CRYBG1: variants seen among roughly 807,000 people sequenced by gnomAD.
The protein encoded by CRYBG1 is beta/gamma crystallin domain-containing protein 1.
Under a neutral mutation model 189.2 loss-of-function variants are expected in CRYBG1, and 139 were observed. That is an observed-to-expected ratio of 0.73 (90% confidence interval 0.64 to 0.85). The LOEUF (loss-of-function observed/expected upper bound fraction) is 0.85, where lower values mean the gene tolerates loss of function less well. Ranked by LOEUF, CRYBG1 falls within the 40% of genes least tolerant of loss-of-function variation. The pLI, the probability that CRYBG1 is intolerant of heterozygous loss-of-function variation, is 0.00. For synonymous variants in CRYBG1, 1,023 were observed against 1,017.1 expected, an observed-to-expected ratio of 1.01 and a Z score of -0.11; for missense variants, 2,611 against 2,675.8, an observed-to-expected ratio of 0.98 and a Z score of 0.53.
intron 17 of CRYBG1, 62 bp downstream of exon 17, chr6:106,555,959 G>C (rs1262073534): frequency 6.3e-7 from 1 of 1,592,330 alleles, no homozygotes; most frequent in African/African-American, 1.3e-5. Context: ...GATGGTCAGA[G>C]TGAGGTAACC....
intron 17 of CRYBG1, among the ~76,000 whole-genome samples, chr6:106,557,464 G>A (rs1454271174): frequency 6.6e-6 from 1 of 151,674 alleles, no homozygotes; most frequent in Non-Finnish European, 1.5e-5. Flanking sequence ...GAGTGCAGTG[G>A]CATGATCTTG....
rs537671788 is a variant in CRYBG1, at chr6:106,570,083, A to T, written c.*1517A>T. 2.6e-5 allele frequency: 4 copies of T among 152,322 alleles called. No homozygotes were observed. In the South Asian group the frequency reaches 8.3e-4, roughly 32 times the overall value. The allele number at this position is 152,322 out of a possible 1,614,324, so 9.4% of individuals were successfully genotyped here. A position where few individuals can be genotyped will look rare whatever the true frequency, so the allele number is the denominator to read the frequency against. On this transcript the variant is annotated 3_prime_UTR_variant, in exon 22 of 22. Transcript: ENST00000633556. ...CTTCCAACAGTGGGTTCTAGCTTTG[A>T]ACAAAAGTGCTAAACATTTCCTTGA...
chr6:106,558,696 C>A, intron 18 of CRYBG1, 71 bp downstream of exon 18: 1 of 1,317,546 alleles, frequency 7.6e-7, no homozygotes, highest in Non-Finnish European at 1.0e-6. Context: ...GGCACAGTGG[C>A]TCACGCCTGT....
chr6:106,415,270 A>G lies in CRYBG1; in HGVS notation c.174-36424A>G, dbSNP rs940171381. On this transcript the variant is annotated intron_variant, in intron 1 of 21. Transcript: ENST00000633556. ...AGTGGCCATTATTTTGCTTTTGCAT[A>G]GAAATAATAGTGGATTATGTAATTC... is the stretch of plus-strand genomic sequence containing the variant. 2.0e-5 allele frequency among the ~76,000 whole-genome samples: 3 copies of G among 152,276 alleles called. No homozygotes were observed. In the East Asian group the frequency reaches 5.8e-4, roughly 29 times the overall value.
At chr6:106,534,319 A>G (rs2883076) in intron 8 of CRYBG1, among the ~76,000 whole-genome samples, 68,400 of 151,712 alleles carry the variant, frequency 0.45, 15,953 homozygotes, top group South Asian at 0.52. Flanking sequence ...TGTCATGGTG[A>G]GCATCTTCTT....
chr6:106,540,358 T>C (rs1236405628), intron 9 of CRYBG1, among the ~76,000 whole-genome samples: 1 of 152,214 alleles, frequency 6.6e-6, no homozygotes, highest in African/African-American at 2.4e-5. Flanking sequence ...CTGAGACAGT[T>C]TGAGACAAAT....
At chr6:106,494,006 G>A (rs1030081279) in intron 2 of CRYBG1, among the ~76,000 whole-genome samples, 4 of 152,124 alleles carry the variant, frequency 2.6e-5, no homozygotes, top group African/African-American at 9.7e-5. Context: ...TGCATACAAT[G>A]GTATATTATT....
chr6:106,544,862 G>A lies in CRYBG1; in HGVS notation c.5241G>A (p.Leu1747=). The change falls in exon 13 of 22, where the codon TTG becomes TTA. Residue 1747 remains leucine, a synonymous_variant. Transcript: ENST00000633556. ...FGSKGSSIDV[L]GIVANLKETG... ...CCAAAGGTTCCAGTATTGATGTATT[G>A]GGAATTGTTGCTAATTTAAAGGAGA... 6.2e-7 allele frequency: 1 copy of A among 1,613,786 alleles called. No homozygotes were observed. The highest frequency in any genetic ancestry group is 8.5e-7 in the Non-Finnish European group (1 of 1,179,838).
chr6:106,489,029 C>T (rs1216235633), intron 2 of CRYBG1, among the ~76,000 whole-genome samples: 3 of 152,138 alleles, frequency 2.0e-5, no homozygotes, highest in Admixed American at 6.5e-5. Context: ...GACTTAGGGC[C>T]TTCCTGCAGC....
chr6:106,544,510 T>A (rs1774215257), intron 11 of CRYBG1, 61 bp from the exon 12 acceptor site: 1 of 1,579,200 alleles, frequency 6.3e-7, no homozygotes, highest in East Asian at 2.2e-5. Flanking sequence ...AATTGATATG[T>A]ACCTTGAAAA....
At chr6:106,434,438 T>C (rs1406493773) in intron 1 of CRYBG1, among the ~76,000 whole-genome samples, 1 of 152,186 alleles carries the variant, frequency 6.6e-6, no homozygotes, top group Non-Finnish European at 1.5e-5. Context: ...TATCCAGGAT[T>C]GGATAAACTT....
intron 1 of CRYBG1, among the ~76,000 whole-genome samples, chr6:106,436,247 T>C (rs1771453423): frequency 6.6e-6 from 1 of 152,062 alleles, no homozygotes; most frequent in African/African-American, 2.4e-5. Flanking sequence ...TTTAGTGTAT[T>C]TCCTTTCAGT....
In CRYBG1 at chr6:106,360,931, A is replaced by G. The variant is rs916937607; in HGVS notation, c.23A>G (p.Gln8Arg). The change falls in exon 1 of 22, where the codon CAG (glutamine) becomes CGG (arginine). Residue 8 changes from glutamine to arginine, a missense_variant. Physicochemically the swap from Gln to Arg is conservative, Grantham distance 43. This residue lies in a region of CRYBG1 where 985 missense variants were observed against 924.4 expected (regional missense o/e 1.07). Coordinates refer to ENST00000633556, the MANE Select transcript of CRYBG1 (RefSeq NM_001371242.2). ...ACGATGCCGCTGTCCCCGCCAGCCC[A>G]GGGCGACCCCGGGGAGCCCAGCCCG... MPLSPPA[Q>R]GDPGEPSPCR... is the part of the protein sequence containing the mutation. 6.5e-7 allele frequency: 1 copy of G among 1,534,498 alleles called. No homozygotes were observed. Among genetic ancestry groups the G allele is most frequent in the African/African-American group, 1.4e-5 (1 of 73,096 alleles).
intron 2 of CRYBG1, among the ~76,000 whole-genome samples, chr6:106,467,509 A>G (rs1198937739): frequency 6.6e-6 from 1 of 152,056 alleles, no homozygotes; most frequent in East Asian, 1.9e-4. Context: ...AAAAGAGAGA[A>G]AGAAAGAGAA....
At chr6:106,481,241 T>C (rs999549178) in intron 2 of CRYBG1, among the ~76,000 whole-genome samples, 3 of 58,868 alleles carry the variant, frequency 5.1e-5, no homozygotes, top group Non-Finnish European at 8.9e-5. Flanking sequence ...CCCAAAGTGC[T>C]GGGATTACAG....
At chr6:106,508,701 G>A (rs1407863669) in intron 2 of CRYBG1, among the ~76,000 whole-genome samples, 4 of 151,864 alleles carry the variant, frequency 2.6e-5, no homozygotes, top group Admixed American at 2.6e-4. Flanking sequence ...ACCACAATTT[G>A]TTTATCTGTT....
intron 2 of CRYBG1, among the ~76,000 whole-genome samples, chr6:106,462,193 C>T (rs1410595358): frequency 1.3e-5 from 2 of 151,460 alleles, no homozygotes; most frequent in Non-Finnish European, 2.9e-5. Flanking sequence ...TGTTTTGAGA[C>T]GGAGTCTCGC....
intron 13 of CRYBG1, among the ~76,000 whole-genome samples, chr6:106,550,463 A>C (rs75864277): frequency 0.033 from 5,001 of 152,296 alleles, 271 homozygotes; most frequent in East Asian, 0.19. Flanking sequence ...TTTCCTTTCA[A>C]AGACTTTATC....
intron 17 of CRYBG1, among the ~76,000 whole-genome samples, chr6:106,556,853 A>C (rs1012497515): frequency 1.3e-5 from 2 of 152,222 alleles, no homozygotes; most frequent in Non-Finnish European, 2.9e-5. Flanking sequence ...GAAACATGAA[A>C]TGAGGTAGTA....
Sources: gnomAD v4.1 joint callset for allele counts (sites outside exome capture counted in the v4.1 genomes callset) on GRCh38, gnomAD v4.1.1 for gene constraint, gnomAD v4.1.1 regional missense constraint, MANE v1.5 for transcripts, NCBI Gene and HGNC (gene_info 2026-07-23, HGNC 2026-07-21) for gene names.